Variants in ADGRE3 observed in about 807,000 individuals in gnomAD.
ADGRE3 encodes the protein EGF-like module receptor 3.
ADGRE3 carries 88 observed loss-of-function variants against 80.1 expected under a neutral mutation model. The ratio of observed to expected loss-of-function variants is 1.10; its 90% CI spans 0.93 to 1.31. ADGRE3 has a LOEUF of 1.31. Among genes scored for constraint, ADGRE3 ranks in the 40% most tolerant of loss-of-function variants. The pLI is 0.00. For missense variants in ADGRE3, 715 were observed against 776.5 expected (o/e 0.92, Z 0.94); for synonymous variants, 281 against 294.8 (o/e 0.95, Z 0.48).
rs111810101 is a variant in ADGRE3 at position 14,651,081 on chromosome 19, A to G, written c.697+4T>C. 1.9e-4 allele frequency: 313 copies of G among 1,614,054 alleles called. No homozygotes were observed. In the African/African-American group the frequency reaches 2.5e-3, roughly 13 times the overall value. ...AGGATTCTGAATGCAGCCATCAGGC[A>G]TACCTTGTGTGTCTCCCTGGATGAT... is the stretch of plus-strand genomic sequence containing the variant. On this transcript the variant is annotated splice_donor_region_variant and intron_variant, in intron 7 of 15. Transcript: ENST00000253673.
chr19:14,644,136 A>G lies in ADGRE3; in HGVS notation c.1022T>C (p.Phe341Ser), dbSNP rs1971332790. 6 of 1,581,372 alleles carry G rather than the reference A, an allele frequency of 3.8e-6. No homozygotes were observed. Among genetic ancestry groups the G allele is most frequent in the Non-Finnish European group, 4.3e-6 (5 of 1,165,374 alleles). The change falls in exon 9 of 16, where the codon TTC becomes TCC. Residue 341 changes from phenylalanine to serine, a missense_variant. Coordinates refer to ENST00000253673, the MANE Select transcript of ADGRE3 (RefSeq NM_032571.5). ...TMCNCSHLSS[F>S]AVLMALTSQE... ...GCTGGTCAGGGCCATCAGGACAGCG[A>G]AGCTGGACAGGTGACTGCAATTACA...
At position 14,645,265 on chromosome 19, in the gene ADGRE3, T is replaced by C. The variant is rs1472324663; in HGVS notation, c.883-990A>G. ...CTCTAAGCCAAATGTCCCTGGTCGT[T>C]GTATAATCAATTTTGTCTCTACTCC... On this transcript the variant is annotated intron_variant, in intron 8 of 15. Transcript: ENST00000253673. 2.6e-5 allele frequency among the ~76,000 whole-genome samples: 4 copies of C among 152,274 alleles called. No individual in the cohort carries two copies. The East Asian group carries it at 7.7e-4, about 29-fold the overall frequency.
the ADGRE3 span, among the ~76,000 whole-genome samples, chr19:14,613,622 C>A: frequency 6.6e-6 from 1 of 152,002 alleles, no homozygotes; most frequent in Non-Finnish European, 1.5e-5. Flanking sequence ...TGGGAGAGGT[C>A]GGAGCTGATT....
At chr19:14,647,564 T>C (rs1971450085) in intron 7 of ADGRE3, among the ~76,000 whole-genome samples, 199 bp from the exon 8 acceptor site, 3 of 151,364 alleles carry the variant, frequency 2.0e-5, no homozygotes, top group Admixed American at 2.0e-4. Flanking sequence ...TTACAGGCAC[T>C]CACCACCATG....
At chr19:14,608,571 C>T in the ADGRE3 span, among the ~76,000 whole-genome samples, 2 of 151,368 alleles carry the variant, frequency 1.3e-5, no homozygotes, top group Non-Finnish European at 2.9e-5. Context: ...TGAAATATAT[C>T]AAGCTCTCCA....
chr19:14,641,196 A>G (rs1971237446), intron 10 of ADGRE3, among the ~76,000 whole-genome samples: 1 of 152,190 alleles, frequency 6.6e-6, no homozygotes, highest in Non-Finnish European at 1.5e-5. Flanking sequence ...TCCCATGTAT[A>G]TATGAAATAT....
Position 14,658,510 on chromosome 19 carries a change from C to T in ADGRE3, c.393+3G>A, listed in dbSNP as rs773922415. On this transcript the variant is annotated splice_donor_region_variant and intron_variant, in intron 5 of 15. Transcript: ENST00000253673. ...AAGGGTCTGGGGATCAGCCTCCACTCACCTCTTTCCTGCCCTCGGTTGTCT... is the reference window on the plus strand; with the variant it reads ...AAGGGTCTGGGGATCAGCCTCCACTTACCTCTTTCCTGCCCTCGGTTGTCT... 1.9e-6 allele frequency: 3 copies of T among 1,561,648 alleles called. No homozygotes were observed. The highest frequency in any genetic ancestry group is 1.4e-5 in the African/African-American group (1 of 71,560).
At chr19:14,644,313 C>T in intron 8 of ADGRE3, 38 bp from the exon 9 acceptor site, 1 of 1,333,574 alleles carries the variant, frequency 7.5e-7, no homozygotes, top group Non-Finnish European at 9.9e-7. Flanking sequence ...TTGTCTTTGT[C>T]TTTCTTTCTT....
intron 2 of ADGRE3, among the ~76,000 whole-genome samples, chr19:14,665,929 C>CATGTGTAT (rs1972081468): frequency 2.5e-5 from 1 of 40,560 alleles, no homozygotes; most frequent in South Asian, 8.9e-4. Flanking sequence ...CATATACACA[C>CATGTGTAT]ATATGTGTAT....
chr19:14,651,441 G>A (rs139860592), intron 6 of ADGRE3, among the ~76,000 whole-genome samples: 72 of 152,100 alleles, frequency 4.7e-4, no homozygotes, highest in East Asian at 1.9e-3. Flanking sequence ...AGGATGTGTC[G>A]GGCACTGAGC....
At position 14,664,926 on chromosome 19, in the gene ADGRE3, A is replaced by G. The variant is rs77230359; in HGVS notation, c.77-1386T>C. 2.2e-3 allele frequency among the ~76,000 whole-genome samples: 339 copies of G among 152,176 alleles called. 1 individual carries two copies. Among genetic ancestry groups the G allele is most frequent in the African/African-American group, 7.9e-3 (329 of 41,526 alleles). ...ACTTTTCAGAAAAATACCAATCCATATACACACATATGTGCATCATTTTTC... is the reference window on the plus strand; with the variant it reads ...ACTTTTCAGAAAAATACCAATCCATGTACACACATATGTGCATCATTTTTC... On this transcript the variant is annotated intron_variant, in intron 2 of 15. Transcript: ENST00000253673.
chr19:14,639,871 T>TAGAATATAGCAATTAGAA (rs1971200318), intron 10 of ADGRE3, among the ~76,000 whole-genome samples: 2 of 152,216 alleles, frequency 1.3e-5, no homozygotes, highest in South Asian at 4.1e-4. Flanking sequence ...TAGCAATTTT[T>TAGAATATAGCAATTAGAA]CAATATAGAA....
rs1568471259 is a variant in ADGRE3 at position 14,620,524 on chromosome 19, GAATATATATATTT to G, written c.1921-1066_1921-1054del. Among the ~76,000 whole-genome samples the G allele has an allele frequency of 2.6e-3, 50 of 19,268 alleles. 1 individual carries two copies. The highest frequency in any genetic ancestry group is 8.8e-3 in the African/African-American group (45 of 5,110). 12.6% of individuals were successfully genotyped at this position (19,268 alleles called of 152,430 possible). On this transcript the variant is annotated intron_variant, in intron 15 of 15. Transcript: ENST00000253673. ...ATATGAATATATTATGACTATATAT[GAATATATATATTT>G]TATATATATATTATATATATATATA...
intron 3 of ADGRE3, among the ~76,000 whole-genome samples, chr19:14,662,386 A>G (rs1971972444): frequency 6.6e-6 from 1 of 152,132 alleles, no homozygotes; most frequent in Non-Finnish European, 1.5e-5. Flanking sequence ...ATGAAACAAG[A>G]AACTATCTTT....
At chr19:14,604,631 C>T in the ADGRE3 span, among the ~76,000 whole-genome samples, 9 of 152,004 alleles carry the variant, frequency 5.9e-5, no homozygotes, top group East Asian at 3.9e-4. Context: ...GGCATGGTGG[C>T]GCGTGGCTGT....
chr19:14,662,645 C>T (rs1469495343), intron 3 of ADGRE3, among the ~76,000 whole-genome samples: 1 of 151,978 alleles, frequency 6.6e-6, no homozygotes, highest in East Asian at 1.9e-4. Context: ...CTTGGCTTCC[C>T]AAAGAACTGG....
Position 14,659,807 on chromosome 19 carries a change from C to T in ADGRE3, c.356-1257G>A, listed in dbSNP as rs113381950. 8.7e-3 allele frequency among the ~76,000 whole-genome samples: 912 copies of T among 105,300 alleles called. 13 individuals are homozygous for T. Among genetic ancestry groups the T allele is most frequent in the African/African-American group, 0.034 (882 of 26,308 alleles). 69.1% of individuals were successfully genotyped at this position (105,300 alleles called of 152,430 possible). The stretch of plus-strand genomic sequence containing the variant: ...CTGCACTCCAGCCTGGGAGACAGAG[C>T]GAGACTCTGCCTCTGAAAAAAAAAA... On this transcript the variant is annotated intron_variant, in intron 4 of 15. Coordinates refer to ENST00000253673, the MANE Select transcript of ADGRE3 (RefSeq NM_032571.5).
the ADGRE3 span, chr19:14,606,861 C>T: frequency 2.8e-6 from 1 of 360,906 alleles, no homozygotes; most frequent in Admixed American, 4.7e-5. Context: ...GTTCTGCATA[C>T]CATGGGGACG....
intron 15 of ADGRE3, among the ~76,000 whole-genome samples, chr19:14,620,568 A>ATATATTTTT (rs1435435269): frequency 2.7e-4 from 3 of 11,052 alleles, no homozygotes; most frequent in Non-Finnish European, 3.0e-4. Flanking sequence ...ATATATATAT[A>ATATATTTTT]TTTTTTTTTT....
Sources: allele counts gnomAD v4.1 joint callset (sites outside exome capture counted in the v4.1 genomes callset), GRCh38; gene constraint gnomAD v4.1.1; transcripts MANE v1.5; gene names NCBI Gene and HGNC (gene_info 2026-07-23, HGNC 2026-07-21).